FGF13: variants seen among roughly 807,000 people sequenced by gnomAD.
FGF13 encodes the protein fibroblast growth factor 13.
Under a neutral mutation model 19.5 loss-of-function variants are expected in FGF13, and 2 were observed. The observed-to-expected ratio is 0.10, with a 90% CI of 0.04 to 0.32. FGF13 has a LOEUF of 0.32. FGF13 is among the 10% of genes least tolerant of loss of function. The probability of loss-of-function intolerance (pLI) is 1.00; values close to 1 mark genes in which losing one functional copy is unlikely to be tolerated. For missense variants in FGF13, 113 were observed against 192.7 expected (o/e 0.59, Z 2.45); for synonymous variants, 72 against 76.9 (o/e 0.94, Z 0.33).
intron 1 of FGF13, among the ~76,000 whole-genome samples, chrX:139,160,887 T>A (rs1053437390): frequency 5.4e-5 from 6 of 111,676 alleles, no homozygotes; most frequent in African/African-American, 2.0e-4. Context: ...CAGGACCAGA[T>A]GGATTCACAG....
intron 1 of FGF13, among the ~76,000 whole-genome samples, chrX:139,128,151 T>C (rs1237590619): frequency 9.1e-6 from 1 of 110,420 alleles, no homozygotes; most frequent in Non-Finnish European, 1.9e-5. Flanking sequence ...GCTGCCCTGG[T>C]CCTGGACTCT....
intron 3 of FGF13, among the ~76,000 whole-genome samples, chrX:138,806,221 T>C (rs994843238): frequency 6.3e-5 from 7 of 111,969 alleles, no homozygotes; most frequent in Admixed American, 4.8e-4. Flanking sequence ...TAAACTTTCT[T>C]ATGTTTCAGA....
intron 3 of FGF13, among the ~76,000 whole-genome samples, chrX:138,680,142 G>T (rs1329127088): frequency 1.8e-5 from 2 of 111,647 alleles, no homozygotes; most frequent in African/African-American, 6.5e-5. Context: ...ACATTTTCAG[G>T]CCCTACTTTT....
intron 3 of FGF13, among the ~76,000 whole-genome samples, chrX:138,789,993 C>T (rs2090728008): frequency 1.2e-5 from 1 of 80,213 alleles, no homozygotes; most frequent in African/African-American, 4.9e-5. Context: ...TGCAGTGAGC[C>T]GAGATCACGC....
rs867430595 is a variant in FGF13 at position 138,625,486 on chromosome X, T to A, written c.*7364A>T. The A allele has an allele frequency of 1.1e-5, 1 of 91,530 alleles. No homozygotes were observed. Among genetic ancestry groups the A allele is most frequent in the Non-Finnish European group, 2.1e-5 (1 of 47,607 alleles). 7.5% of individuals were successfully genotyped at this position (91,530 alleles called of 1,213,427 possible). ...TATATATATACATATATATATATAATATATATATATACATATATATATATA... is the reference window on the plus strand; with the variant it reads ...TATATATATACATATATATATATAAAATATATATATACATATATATATATA... On this transcript the variant is annotated 3_prime_UTR_variant, in exon 5 of 5. Coordinates refer to ENST00000315930, the MANE Select transcript of FGF13 (RefSeq NM_004114.5).
At chrX:138,743,540 G>A (rs1438412443), upstream of FGF13, among the ~76,000 whole-genome samples, 1 of 110,894 alleles carries the variant, frequency 9.0e-6, no homozygotes, top group East Asian at 2.9e-4. Context: ...CGGTGATAAG[G>A]GCATGTCAAT....
chrX:138,695,028 CACACAA>C (rs1277118524), intron 3 of FGF13, among the ~76,000 whole-genome samples: 10 of 100,141 alleles, frequency 1.0e-4, no homozygotes, highest in African/African-American at 3.1e-4. Context: ...CACACACACA[CACACAA>C]ACCCAGAAAA....
At chrX:138,679,614 G>A (rs944997151) in intron 3 of FGF13, among the ~76,000 whole-genome samples, 2 of 112,432 alleles carry the variant, frequency 1.8e-5, no homozygotes, top group African/African-American at 3.2e-5. Flanking sequence ...TATAAAGTGT[G>A]CAACAGCATT....
At chrX:139,068,540 G>A (rs1291351343) in intron 1 of FGF13, among the ~76,000 whole-genome samples, 3 of 110,182 alleles carry the variant, frequency 2.7e-5, no homozygotes, top group Non-Finnish European at 5.7e-5. Flanking sequence ...TTGGTAGCTC[G>A]ATGGGGATGG....
At position 139,137,939 on chromosome X, in the gene FGF13, T is replaced by C. The variant is rs570848287; in HGVS notation, c.-113+65477A>G. Among the ~76,000 whole-genome samples, 3 of 112,298 alleles carry C rather than the reference T, an allele frequency of 2.7e-5. No homozygotes were observed. In the South Asian group the frequency reaches 1.1e-3, roughly 41 times the overall value. ...AGAAATGAACAAGATCCAATCATCA[T>C]CTTTGCAGACAGAGTCCAGAGTAAT... On this transcript the variant is annotated intron_variant, in intron 1 of 2. Transcript: ENST00000421460.
chrX:139,059,623 A>G (rs1039092488), intron 1 of FGF13, among the ~76,000 whole-genome samples: 3 of 111,400 alleles, frequency 2.7e-5, no homozygotes, highest in African/African-American at 9.8e-5. Context: ...GGCATGACCA[A>G]TTTTCCTGTC....
At chrX:139,057,262 G>C (rs374315599) in intron 1 of FGF13, among the ~76,000 whole-genome samples, 67 of 110,520 alleles carry the variant, frequency 6.1e-4, no homozygotes, top group African/African-American at 2.2e-3. Flanking sequence ...ATTTATAGAA[G>C]TTGGTATCAG....
At chrX:138,690,992 G>T (rs936452463) in intron 3 of FGF13, among the ~76,000 whole-genome samples, 4 of 111,348 alleles carry the variant, frequency 3.6e-5, no homozygotes, top group African/African-American at 1.3e-4. Flanking sequence ...GTATCTTATG[G>T]ATATTCAACA....
chrX:139,179,419 A>C (rs992631048), intron 1 of FGF13, among the ~76,000 whole-genome samples: 1 of 106,153 alleles, frequency 9.4e-6, no homozygotes, highest in African/African-American at 3.4e-5. Flanking sequence ...CTGCTCCTAC[A>C]GTATGAGTCA....
intron 1 of FGF13, among the ~76,000 whole-genome samples, chrX:139,067,277 G>A: frequency 9.0e-6 from 1 of 111,567 alleles, no homozygotes; most frequent in Non-Finnish European, 1.9e-5. Flanking sequence ...TGGAAGTTCT[G>A]GCCAGGGCAA....
intron 3 of FGF13, among the ~76,000 whole-genome samples, chrX:138,852,484 G>T (rs781313979): frequency 9.0e-6 from 1 of 111,605 alleles, no homozygotes; most frequent in Non-Finnish European, 1.9e-5. Flanking sequence ...AATGGTGCTG[G>T]GTGAACTGGC....
chrX:138,761,669 C>G (rs1324178462), intron 3 of FGF13, among the ~76,000 whole-genome samples: 1 of 111,835 alleles, frequency 8.9e-6, no homozygotes, highest in East Asian at 2.8e-4. Context: ...TCATCAGTGT[C>G]CATCATGTTT....
At chrX:139,102,322 G>A (rs1039063666) in intron 1 of FGF13, among the ~76,000 whole-genome samples, 8 of 111,516 alleles carry the variant, frequency 7.2e-5, no homozygotes, top group South Asian at 7.6e-4. Flanking sequence ...TCTGCAAAAT[G>A]AGAATGATGC....
intron 1 of FGF13, among the ~76,000 whole-genome samples, chrX:139,042,071 G>T (rs986505259): frequency 8.9e-6 from 1 of 112,227 alleles, no homozygotes; most frequent in Admixed American, 9.4e-5. Context: ...GACAATACTG[G>T]GCTGTTAGCC....
Sources: allele counts gnomAD v4.1 joint callset (sites outside exome capture counted in the v4.1 genomes callset), GRCh38; gene constraint gnomAD v4.1.1; transcripts MANE v1.5; gene names NCBI Gene and HGNC (gene_info 2026-07-23, HGNC 2026-07-21).